CNTNAP5: variants seen among roughly 807,000 people sequenced by gnomAD.
CNTNAP5 encodes the protein contactin associated protein family member 5, also known as contactin-associated protein-like 5.
CNTNAP5 carries 72 observed loss-of-function variants against 150.2 expected under a neutral mutation model. The observed-to-expected ratio is 0.48, with a 90% CI of 0.40 to 0.58. The LOEUF is 0.58. CNTNAP5 is among the 20% of genes least tolerant of loss of function. CNTNAP5 has a pLI of 0.00. For missense variants in CNTNAP5, 1,636 were observed against 1,626.2 expected (o/e 1.01, Z -0.10); for synonymous variants, 672 against 619.8 (o/e 1.08, Z -1.25).
At chr2:124,274,405 C>T (rs1328858542) in intron 3 of CNTNAP5, among the ~76,000 whole-genome samples, 1 of 152,114 alleles carries the variant, frequency 6.6e-6, no homozygotes, top group African/African-American at 2.4e-5. Context: ...CGCTTTTTCC[C>T]TCCCTCAATA....
intron 11 of CNTNAP5, among the ~76,000 whole-genome samples, chr2:124,578,154 T>TAAA (rs1696332628): frequency 4.6e-5 from 1 of 21,692 alleles, no homozygotes; most frequent in Non-Finnish European, 9.7e-5. Flanking sequence ...CCACTAAAAA[T>TAAA]ACAAAAAAAA....
chr2:124,573,266 T>C (rs1271411524), intron 11 of CNTNAP5, among the ~76,000 whole-genome samples: 1 of 152,200 alleles, frequency 6.6e-6, no homozygotes, highest in Admixed American at 6.5e-5. Context: ...TTGGATTGAT[T>C]TTCTTCCTTT....
intron 8 of CNTNAP5, among the ~76,000 whole-genome samples, chr2:124,514,034 G>A (rs572886238): frequency 4.6e-5 from 7 of 152,322 alleles, no homozygotes; most frequent in Non-Finnish European, 1.0e-4. Flanking sequence ...ATGTTAATGA[G>A]AAAATCCCAT....
intron 1 of CNTNAP5, among the ~76,000 whole-genome samples, chr2:124,106,652 G>A (rs766650457): frequency 6.6e-6 from 1 of 152,148 alleles, no homozygotes; most frequent in African/African-American, 2.4e-5. Context: ...CCTCAGCTAT[G>A]TCCTTGAACA....
At chr2:124,594,540 C>A (rs1280998879) in intron 11 of CNTNAP5, among the ~76,000 whole-genome samples, 7 of 147,246 alleles carry the variant, frequency 4.8e-5, no homozygotes, top group Middle Eastern at 3.3e-3. Context: ...GTTACTGTAG[C>A]CTTGTAGTAT....
At chr2:124,653,871 T>C (rs1678371880) in intron 13 of CNTNAP5, among the ~76,000 whole-genome samples, 1 of 150,818 alleles carries the variant, frequency 6.6e-6, no homozygotes, top group Non-Finnish European at 1.5e-5. Flanking sequence ...GCCTGCATAC[T>C]TGTAGTAGGG....
intron 21 of CNTNAP5, among the ~76,000 whole-genome samples, chr2:124,872,052 G>T (rs1444198214): frequency 1.3e-5 from 2 of 151,702 alleles, no homozygotes; most frequent in African/African-American, 4.8e-5. Context: ...CTTGCATTCT[G>T]GGCAATTCAT....
At chr2:124,424,941 T>C (rs1692203877) in intron 4 of CNTNAP5, among the ~76,000 whole-genome samples, 1 of 152,176 alleles carries the variant, frequency 6.6e-6, no homozygotes, top group Non-Finnish European at 1.5e-5. Flanking sequence ...TGCTGCCCAG[T>C]ATGTGATTTG....
At chr2:124,655,027 G>T (rs1264211998) in intron 13 of CNTNAP5, among the ~76,000 whole-genome samples, 21 of 151,616 alleles carry the variant, frequency 1.4e-4, no homozygotes, top group Non-Finnish European at 2.9e-4. Context: ...TGCAGAATGT[G>T]CATGTTTGTT....
At chr2:124,908,342 A>G (rs1000497283) in intron 22 of CNTNAP5, among the ~76,000 whole-genome samples, 2 of 152,040 alleles carry the variant, frequency 1.3e-5, no homozygotes, top group African/African-American at 2.4e-5. Context: ...CTGCACTCCA[A>G]CCTAAATGAC....
chr2:124,659,611 C>T (rs937747543), intron 13 of CNTNAP5, among the ~76,000 whole-genome samples: 1 of 152,172 alleles, frequency 6.6e-6, no homozygotes, highest in Admixed American at 6.5e-5. Context: ...ATTGACCTCA[C>T]TTGCATCTCA....
rs367936040 is a variant in CNTNAP5 at position 124,786,356 on chromosome 2, A to G, written c.2753-3546A>G. 8.0e-3 allele frequency among the ~76,000 whole-genome samples: 385 copies of G among 48,352 alleles called. 2 individuals carry two copies. The highest frequency in any genetic ancestry group is 0.03 in the African/African-American group (315 of 10,592). The allele number at this position is 48,352 out of a possible 152,430, so 31.7% of individuals were successfully genotyped here. A position where few individuals can be genotyped will look rare whatever the true frequency, so the allele number is the denominator to read the frequency against. ...AAGAGAAAGAAAGAAAGAAAGGAAG[A>G]AAGAAAGAAAGAAAGAAAGAAAGAA... On this transcript the variant is annotated intron_variant, in intron 17 of 23. Coordinates refer to ENST00000682447, the MANE Select transcript of CNTNAP5 (RefSeq NM_001367498.1).
At chr2:124,520,357 T>C (rs1431929175) in intron 8 of CNTNAP5, among the ~76,000 whole-genome samples, 2 of 152,190 alleles carry the variant, frequency 1.3e-5, no homozygotes, top group Non-Finnish European at 1.5e-5. Context: ...TCTGTTACTA[T>C]TTTAGAAATA....
intron 1 of CNTNAP5, among the ~76,000 whole-genome samples, chr2:124,121,601 G>T (rs779968750): frequency 6.6e-6 from 1 of 152,052 alleles, no homozygotes; most frequent in South Asian, 2.1e-4. Flanking sequence ...AGCAAATGTC[G>T]CTGTGGTCAA....
chr2:124,460,496 A>G (rs558591424), intron 6 of CNTNAP5, among the ~76,000 whole-genome samples: 27 of 152,274 alleles, frequency 1.8e-4, no homozygotes, highest in African/African-American at 6.3e-4. Flanking sequence ...TAAATTGTCT[A>G]TCTCATCATC....
chr2:124,853,538 A>G (rs1240444661), intron 19 of CNTNAP5, among the ~76,000 whole-genome samples: 1 of 152,206 alleles, frequency 6.6e-6, no homozygotes, highest in Non-Finnish European at 1.5e-5. Flanking sequence ...ATCCAGCTAC[A>G]TCACTCTGTT....
At chr2:124,806,157 T>G (rs1682076319) in intron 19 of CNTNAP5, among the ~76,000 whole-genome samples, 1 of 152,202 alleles carries the variant, frequency 6.6e-6, no homozygotes, top group Non-Finnish European at 1.5e-5. Context: ...CAATTCATCT[T>G]TGTAACGTCA....
chr2:124,131,050 T>C (rs2104602338), intron 1 of CNTNAP5, among the ~76,000 whole-genome samples: 1 of 152,326 alleles, frequency 6.6e-6, no homozygotes, highest in Non-Finnish European at 1.5e-5. Context: ...CTGAGAAATT[T>C]AAACATTAGG....
chr2:124,668,029 G>T (rs922672327), intron 13 of CNTNAP5, among the ~76,000 whole-genome samples: 3 of 152,100 alleles, frequency 2.0e-5, no homozygotes, highest in South Asian at 2.1e-4. Context: ...CTTTCATCCT[G>T]GAATGGAAAA....
Sources: gnomAD v4.1 joint callset for allele counts (sites outside exome capture counted in the v4.1 genomes callset) on GRCh38, gnomAD v4.1.1 for gene constraint, MANE v1.5 for transcripts, NCBI Gene and HGNC (gene_info 2026-07-23, HGNC 2026-07-21) for gene names.